The following ADGRE1 variants were observed in gnomAD, a reference collection of about 807,000 sequenced individuals.
ADGRE1 encodes adhesion G protein-coupled receptor E1.
In ADGRE1, 82 loss-of-function variants were observed where a neutral mutation model predicts 102.7. The ratio of observed to expected loss-of-function variants is 0.80; its 90% CI spans 0.67 to 0.96. The LOEUF is 0.96. Ranked by LOEUF, ADGRE1 falls within the 40% of genes least tolerant of loss-of-function variation. ADGRE1 has a pLI of 0.00. For missense variants in ADGRE1, 1,032 were observed against 1,085.3 expected (o/e 0.95, Z 0.69); for synonymous variants, 398 against 399.6 (o/e 1.00, Z 0.05).
chr19:6,934,000 C>G (rs1402319066), intron 17 of ADGRE1, among the ~76,000 whole-genome samples: 1 of 152,168 alleles, frequency 6.6e-6, no homozygotes, highest in Non-Finnish European at 1.5e-5. Context: ...GGAAAATACA[C>G]AGAGACCGCC....
chr19:6,918,934 A>G (rs1974513308), intron 12 of ADGRE1, among the ~76,000 whole-genome samples: 1 of 152,196 alleles, frequency 6.6e-6, no homozygotes, highest in Non-Finnish European at 1.5e-5. Flanking sequence ...CATATTGGCC[A>G]GGTTGGCCTG....
At chr19:6,916,791 A>G (rs1173901298) in intron 12 of ADGRE1, among the ~76,000 whole-genome samples, 1 of 151,330 alleles carries the variant, frequency 6.6e-6, no homozygotes, top group East Asian at 1.9e-4. Flanking sequence ...TTAAATTTTT[A>G]AAATATGCAA....
At chr19:6,898,338 C>A in intron 5 of ADGRE1, 1 of 1,598,402 alleles carries the variant, frequency 6.3e-7, no homozygotes. Flanking sequence ...GCCCCCAGCC[C>A]TGTGGTCCTA....
At chr19:6,896,885 G>A in intron 3 of ADGRE1, 1 of 489,134 alleles carries the variant, frequency 2.0e-6, no homozygotes, top group Non-Finnish European at 3.6e-6. Context: ...TCACAATATG[G>A]TGGCTGGATT....
Position 6,937,594 on chromosome 19 carries a change from C to G in ADGRE1, c.2601C>G (p.Ser867=). 1.2e-6 allele frequency: 2 copies of G among 1,614,130 alleles called. No homozygotes were observed. Among genetic ancestry groups the G allele is most frequent in the South Asian group, 1.1e-5 (1 of 91,080 alleles). ...RWITGKTKPS[S]QSQTSRILLS... Reference sequence around the variant, plus strand: ...TCACTGGGAAGACGAAGCCCAGCTCCCAGTCCCAGACCTCAAGGATCTTGC... The same window carrying G: ...TCACTGGGAAGACGAAGCCCAGCTCGCAGTCCCAGACCTCAAGGATCTTGC... Residue 867 remains serine (S), a synonymous_variant, in exon 20 of 21, where the codon TCC becomes TCG. Transcript: ENST00000312053.
At chr19:6,920,515 G>C (rs74499574) in intron 13 of ADGRE1, among the ~76,000 whole-genome samples, 33,266 of 67,810 alleles carry the variant, frequency 0.49, 5,418 homozygotes, top group African/African-American at 0.59. Context: ...CACCATGCCC[G>C]CTTTTTTTTT....
At chr19:6,925,209 C>A (rs1193829483) in intron 15 of ADGRE1, among the ~76,000 whole-genome samples, 1 of 152,172 alleles carries the variant, frequency 6.6e-6, no homozygotes, top group Admixed American at 6.5e-5. Context: ...GCAACCCCTG[C>A]CTCTTGGTTC....
intron 8 of ADGRE1, among the ~76,000 whole-genome samples, chr19:6,905,981 A>G (rs920237199): frequency 2.6e-5 from 4 of 152,170 alleles, no homozygotes; most frequent in African/African-American, 9.7e-5. Context: ...GTACCCCTAA[A>G]CAATATCTGC....
intron 10 of ADGRE1, among the ~76,000 whole-genome samples, chr19:6,911,383 T>C (rs1171873379): frequency 7.1e-6 from 1 of 140,966 alleles, no homozygotes; most frequent in Non-Finnish European, 1.6e-5. Flanking sequence ...GGATTCCTTT[T>C]AGTTTTTTTT....
intron 13 of ADGRE1, among the ~76,000 whole-genome samples, chr19:6,921,025 C>A (rs569991400): frequency 6.6e-6 from 1 of 152,128 alleles, no homozygotes; most frequent in African/African-American, 2.4e-5. Context: ...GTGGCTCTTG[C>A]CTGTAATCCC....
chr19:6,898,266 A>C, intron 5 of ADGRE1: 3 of 1,565,786 alleles, frequency 1.9e-6, no homozygotes, highest in South Asian at 2.3e-5. Flanking sequence ...ACAGTCTTCT[A>C]TCTAGTATAA....
intron 5 of ADGRE1, among the ~76,000 whole-genome samples, chr19:6,900,102 A>G (rs1291030722): frequency 6.6e-6 from 1 of 152,036 alleles, no homozygotes; most frequent in African/African-American, 2.4e-5. Flanking sequence ...TCAAAAAAAA[A>G]AAAAAAGAAA....
At position 6,913,736 on chromosome 19, in the gene ADGRE1, C is replaced by T; in HGVS notation, c.1206C>T (p.Ala402=). Residue 402 remains alanine (A), a synonymous_variant, in exon 11 of 21, where the codon GCC becomes GCT. Transcript: ENST00000312053. The stretch of plus-strand genomic sequence containing the variant: ...CCAAGGAAGAGACGTCCTCCCTGGC[C>T]ACAGTCTTCCTGGAGAGTGTGGAAA... ...KFTKEETSSL[A]TVFLESVESM... is the part of the protein sequence containing the mutation. The T allele has an allele frequency of 6.2e-7, 1 of 1,613,392 alleles. No individual in the cohort carries two copies. Among genetic ancestry groups the T allele is most frequent in the Non-Finnish European group, 8.5e-7 (1 of 1,179,640 alleles).
At position 6,901,847 on chromosome 19, in the gene ADGRE1, GACCT is replaced by G. The variant is rs1302191391; in HGVS notation, c.515-27_515-24del. 17 of 1,612,224 alleles carry G rather than the reference GACCT, an allele frequency of 1.1e-5. 1 individual carries two copies. The African/African-American group carries it at 1.3e-4, about 13-fold the overall frequency. On this transcript the variant is annotated intron_variant, in intron 5 of 20. Coordinates refer to ENST00000312053, the MANE Select transcript of ADGRE1 (RefSeq NM_001974.5). ...TACTCCTTGCTTTCTCATTTACCTTGACCTGGGTTTTCTCTTCCACTCTTCAGAC... is the reference window on the plus strand; with the variant it reads ...TACTCCTTGCTTTCTCATTTACCTTGGGGTTTTCTCTTCCACTCTTCAGAC...
intron 13 of ADGRE1, among the ~76,000 whole-genome samples, chr19:6,920,086 T>C (rs11668744): frequency 0.29 from 43,896 of 151,798 alleles, 7,825 homozygotes; most frequent in African/African-American, 0.5. Context: ...GGGCAGGTTT[T>C]ATAGTCGGTG....
At chr19:6,913,388 G>T (rs976727360) in intron 10 of ADGRE1, among the ~76,000 whole-genome samples, 2 of 137,670 alleles carry the variant, frequency 1.5e-5, no homozygotes, top group Non-Finnish European at 3.1e-5. Flanking sequence ...CACTATGTTT[G>T]CCAGGCTGGT....
intron 2 of ADGRE1, chr19:6,891,168 G>A (rs1008470907): frequency 6.6e-6 from 1 of 152,070 alleles, no homozygotes; most frequent in African/African-American, 2.4e-5. Context: ...TAAGTCTCAC[G>A]AGATCTGATG....
intron 5 of ADGRE1, chr19:6,898,490 G>A: frequency 3.8e-6 from 6 of 1,576,084 alleles, no homozygotes; most frequent in Non-Finnish European, 5.2e-6. Flanking sequence ...CCAGGGATGG[G>A]TCTTGAGTGG....
At chr19:6,908,052 T>C (rs1040964801) in intron 9 of ADGRE1, among the ~76,000 whole-genome samples, 5 of 152,060 alleles carry the variant, frequency 3.3e-5, no homozygotes, top group Non-Finnish European at 7.4e-5. Context: ...CACTGGAAGG[T>C]TGTGGGTTTA....
Sources: gnomAD v4.1 joint callset for allele counts (sites outside exome capture counted in the v4.1 genomes callset) on GRCh38, gnomAD v4.1.1 for gene constraint, MANE v1.5 for transcripts, NCBI Gene and HGNC (gene_info 2026-07-23, HGNC 2026-07-21) for gene names.